GRIK3: variants seen among roughly 807,000 people sequenced by gnomAD.
The protein encoded by GRIK3 is glutamate receptor ionotropic, kainate 3.
Under a neutral mutation model 102.5 loss-of-function variants are expected in GRIK3, and 29 were observed. That is an observed-to-expected ratio of 0.28 (90% confidence interval 0.21 to 0.39). The LOEUF (loss-of-function observed/expected upper bound fraction) is 0.39, where lower values mean the gene tolerates loss of function less well. Among genes scored for constraint, GRIK3 ranks in the 10% least tolerant of loss-of-function variants. The pLI, the probability that GRIK3 is intolerant of heterozygous loss-of-function variation, is 1.00. For synonymous variants in GRIK3, 511 were observed against 504.9 expected, an observed-to-expected ratio of 1.01 and a Z score of -0.16; for missense variants, 908 against 1,252.4, an observed-to-expected ratio of 0.73 and a Z score of 4.15.
intron 1 of GRIK3, among the ~76,000 whole-genome samples, chr1:36,913,527 C>T (rs899886138): frequency 2.0e-5 from 3 of 152,194 alleles, no homozygotes; most frequent in Non-Finnish European, 4.4e-5. Context: ...CTCTGGAGAT[C>T]CTGAATGAAC....
intron 1 of GRIK3, among the ~76,000 whole-genome samples, chr1:36,974,127 C>T (rs956262829): frequency 6.6e-6 from 1 of 152,144 alleles, no homozygotes; most frequent in African/African-American, 2.4e-5. Flanking sequence ...TTATCCCTTC[C>T]CTGCCTCAGT....
chr1:36,799,590 T>C lies in GRIK3; in HGVS notation c.*2261A>G, dbSNP rs1046579960. The C allele has an allele frequency of 3.9e-5, 6 of 152,210 alleles. No individual in the cohort carries two copies. Among genetic ancestry groups the C allele is most frequent in the African/African-American group, 1.2e-4 (5 of 41,450 alleles). 9.4% of individuals were successfully genotyped at this position (152,210 alleles called of 1,614,324 possible). On this transcript the variant is annotated 3_prime_UTR_variant, in exon 16 of 16. Transcript: ENST00000373091. ...AGGTAAGATCCTGATCTCCATCCTA[T>C]GCCATTCAGTGTACATGTGCACACA... is the stretch of plus-strand genomic sequence containing the variant.
chr1:37,009,367 C>T (rs1642565098), intron 1 of GRIK3, among the ~76,000 whole-genome samples: 1 of 152,170 alleles, frequency 6.6e-6, no homozygotes. Flanking sequence ...AGAGAAGGGG[C>T]AGGTCAAGGC....
chr1:36,827,616 G>C (rs1402971508), intron 10 of GRIK3, among the ~76,000 whole-genome samples: 1 of 152,168 alleles, frequency 6.6e-6, no homozygotes, highest in Non-Finnish European at 1.5e-5. Context: ...TCTAGTAGGG[G>C]AGATGGGCAT....
intron 1 of GRIK3, among the ~76,000 whole-genome samples, chr1:37,026,383 C>T (rs1642764604): frequency 6.6e-6 from 1 of 152,152 alleles, no homozygotes; most frequent in Non-Finnish European, 1.5e-5. Context: ...GAGCGATGGG[C>T]ATATGCCACA....
intron 1 of GRIK3, among the ~76,000 whole-genome samples, chr1:36,948,072 C>G (rs111868551): frequency 1.3e-5 from 2 of 152,182 alleles, no homozygotes; most frequent in Admixed American, 1.3e-4. Flanking sequence ...ACTTGGCTGT[C>G]GGTTCTTTAA....
At chr1:36,968,841 C>A (rs1472534560) in intron 1 of GRIK3, among the ~76,000 whole-genome samples, 1 of 152,234 alleles carries the variant, frequency 6.6e-6, no homozygotes, top group African/African-American at 2.4e-5. Context: ...GACACCCCCA[C>A]CTGGGAAGCA....
At position 36,945,489 on chromosome 1, in the gene GRIK3, C is replaced by T. The variant is rs61230600; in HGVS notation, c.116-54393G>A. 7.8e-3 allele frequency among the ~76,000 whole-genome samples: 1,194 copies of T among 152,288 alleles called. 16 individuals carry two copies. The highest frequency in any genetic ancestry group is 0.048 in the South Asian group (231 of 4,818). ...GGCTTTCAGACCTGGCAGAGACTTG[C>T]GACGTCATTTAGACTGATCCTGCAA... On this transcript the variant is annotated intron_variant, in intron 1 of 15. Transcript: ENST00000373091.
intron 15 of GRIK3, 24 bp from the exon 16 acceptor site, chr1:36,802,069 G>T (rs770677152): frequency 1.9e-5 from 29 of 1,565,312 alleles, no homozygotes; most frequent in Admixed American, 7.0e-5. Flanking sequence ...GAGGAGAGGG[G>T]TCGGAAAAGG....
rs1002752539 is a variant in GRIK3, at chr1:36,805,065, G to A, written c.2487C>T (p.Ala829=). Residue 829 remains alanine (A), a synonymous_variant, in exon 15 of 16, where the codon GCC becomes GCT. Coordinates refer to ENST00000373091, the MANE Select transcript of GRIK3 (RefSeq NM_000831.4). ...QKIGGIFIVL[A]AGLVLSVLVA... is the part of the protein sequence containing the mutation. ...CCAGCACAGAGAGGACCAGCCCGGC[G>A]GCCAGGACAATGAAGATGCCCCCGA... 11 of 1,614,046 alleles carry A rather than the reference G, an allele frequency of 6.8e-6. No homozygotes were observed. The highest frequency in any genetic ancestry group is 9.3e-6 in the Non-Finnish European group (11 of 1,180,024).
intron 1 of GRIK3, among the ~76,000 whole-genome samples, chr1:36,911,135 G>C (rs1228651316): frequency 2.0e-5 from 3 of 152,122 alleles, no homozygotes; most frequent in South Asian, 4.2e-4. Context: ...AGGGAGGGAG[G>C]GGGTGGCCGG....
intron 1 of GRIK3, among the ~76,000 whole-genome samples, chr1:36,996,830 C>T (rs536541705): frequency 4.6e-5 from 7 of 152,292 alleles, no homozygotes; most frequent in South Asian, 2.1e-4. Flanking sequence ...GTTGGGCTGG[C>T]GCCTCCCTGT....
intron 1 of GRIK3, among the ~76,000 whole-genome samples, chr1:36,922,689 C>A (rs11263950): frequency 6.6e-6 from 1 of 152,172 alleles, no homozygotes; most frequent in African/African-American, 2.4e-5. Context: ...TTGGACTTCA[C>A]GTAGACTTTC....
intron 1 of GRIK3, among the ~76,000 whole-genome samples, chr1:36,981,889 G>A (rs890831169): frequency 1.3e-5 from 2 of 152,226 alleles, no homozygotes; most frequent in Non-Finnish European, 2.9e-5. Context: ...AGGCAATGCC[G>A]AGGAGCAGCG....
At chr1:36,807,846 C>T in intron 13 of GRIK3, among the ~76,000 whole-genome samples, 1 of 152,098 alleles carries the variant, frequency 6.6e-6, no homozygotes, top group Non-Finnish European at 1.5e-5. Context: ...AGCAGCCACT[C>T]CCCAACCTAC....
intron 1 of GRIK3, among the ~76,000 whole-genome samples, chr1:36,960,094 C>T (rs74582390): frequency 0.011 from 1,408 of 132,310 alleles, 201 homozygotes; most frequent in Non-Finnish European, 0.015. Context: ...ACTCTGTGCC[C>T]CATAAGCCTG....
intron 1 of GRIK3, among the ~76,000 whole-genome samples, chr1:36,968,769 G>A (rs947921769): frequency 3.3e-5 from 5 of 152,240 alleles, no homozygotes; most frequent in African/African-American, 9.6e-5. Flanking sequence ...GGGTAGCAAC[G>A]TGGCTCCCAT....
intron 10 of GRIK3, among the ~76,000 whole-genome samples, chr1:36,827,208 T>TGGAGCTGG (rs1176907020): frequency 6.6e-6 from 1 of 152,226 alleles, no homozygotes; most frequent in Admixed American, 6.5e-5. Context: ...TGAGTGCGGC[T>TGGAGCTGG]GGAGCTGGGG....
At chr1:36,930,569 T>A (rs1020142108) in intron 1 of GRIK3, among the ~76,000 whole-genome samples, 1 of 152,206 alleles carries the variant, frequency 6.6e-6, no homozygotes, top group African/African-American at 2.4e-5. Context: ...ACATGCCTGA[T>A]GAGACATGAA....
Sources: gnomAD v4.1 joint callset for allele counts (sites outside exome capture counted in the v4.1 genomes callset) on GRCh38, gnomAD v4.1.1 for gene constraint, MANE v1.5 for transcripts, NCBI Gene and HGNC (gene_info 2026-07-23, HGNC 2026-07-21) for gene names.